TIAM1: variants seen among roughly 807,000 people sequenced by gnomAD.
The protein encoded by TIAM1 is rho guanine nucleotide exchange factor TIAM1.
In TIAM1, 65 loss-of-function variants were observed where a neutral mutation model predicts 163.5. The ratio of observed to expected loss-of-function variants is 0.40; its 90% confidence interval spans 0.33 to 0.49. The LOEUF (loss-of-function observed/expected upper bound fraction) is 0.49. Among genes scored for constraint, TIAM1 ranks in the 20% least tolerant of loss-of-function variants. TIAM1 has a pLI of 0.77. For synonymous variants in TIAM1, 833 were observed against 810.1 expected (o/e 1.03, Z -0.48); for missense variants, 1,789 against 2,044.7 (o/e 0.87, Z 2.41).
At chr21:31,345,169 T>C (rs928121506), upstream of TIAM1, among the ~76,000 whole-genome samples, 2 of 152,162 alleles carry the variant, frequency 1.3e-5, no homozygotes, top group Non-Finnish European at 2.9e-5. Context: ...AGAGGCTATA[T>C]CTGAAAGGGT....
At chr21:31,228,220 TAAAAAAAAAAAAAAAAAAAAAAAAAAA>T (rs71191197) in intron 6 of TIAM1, among the ~76,000 whole-genome samples, 8 of 16,264 alleles carry the variant, frequency 4.9e-4, no homozygotes, top group Admixed American at 1.2e-3. Context: ...CTCCTTTTTT[TAAAAAAAAAAAAAAAAAAAAAAAAAAA>T]AAAAAAAAAA....
At chr21:31,249,648 G>A (rs2071688857) in intron 5 of TIAM1, among the ~76,000 whole-genome samples, 1 of 152,138 alleles carries the variant, frequency 6.6e-6, no homozygotes, top group Non-Finnish European at 1.5e-5. Context: ...GCGGGAAGTG[G>A]AAGAGGAAGA....
At chr21:31,248,298 T>C (rs1245308023) in intron 5 of TIAM1, among the ~76,000 whole-genome samples, 1 of 152,248 alleles carries the variant, frequency 6.6e-6, no homozygotes, top group Non-Finnish European at 1.5e-5. Flanking sequence ...GAATGTTGTA[T>C]GGTCCCATCA....
At chr21:31,558,673 TCCCTCCTTCGC>T (rs935021890) in intron 1 of TIAM1, among the ~76,000 whole-genome samples, 3 of 152,052 alleles carry the variant, frequency 2.0e-5, no homozygotes, top group African/African-American at 7.2e-5. Flanking sequence ...CGGTCTCGTC[TCCCTCCTTCGC>T]GCGAGGGATG....
intron 23 of TIAM1, among the ~76,000 whole-genome samples, chr21:31,134,856 C>T (rs965225133): frequency 3.9e-5 from 6 of 152,010 alleles, no homozygotes; most frequent in African/African-American, 1.5e-4. Flanking sequence ...TACAGGGGCT[C>T]TTTGGAAATT....
intron 2 of TIAM1, among the ~76,000 whole-genome samples, chr21:31,394,724 T>TCA (rs1275006631): frequency 3.9e-5 from 5 of 128,796 alleles, no homozygotes; most frequent in South Asian, 3.0e-4. Context: ...TCTCTCTCTC[T>TCA]CTCTCACACA....
At chr21:31,414,699 G>A (rs894241590) in intron 2 of TIAM1, among the ~76,000 whole-genome samples, 6 of 152,172 alleles carry the variant, frequency 3.9e-5, no homozygotes, top group East Asian at 3.9e-4. Context: ...AGTTGGACCC[G>A]AACCATAGAA....
chr21:31,422,775 T>C (rs1348608654), intron 2 of TIAM1, among the ~76,000 whole-genome samples: 1 of 152,104 alleles, frequency 6.6e-6, no homozygotes, highest in African/African-American at 2.4e-5. Flanking sequence ...TACTCAGGGG[T>C]TCCTCTCCCT....
At chr21:31,513,994 C>T (rs1021040924) in intron 1 of TIAM1, among the ~76,000 whole-genome samples, 5 of 151,968 alleles carry the variant, frequency 3.3e-5, no homozygotes, top group African/African-American at 1.2e-4. Context: ...GCAACAAGAG[C>T]GAAACTCCAT....
chr21:31,536,634 G>A (rs777215813), intron 1 of TIAM1, among the ~76,000 whole-genome samples: 32 of 152,340 alleles, frequency 2.1e-4, no homozygotes, highest in Non-Finnish European at 3.7e-4. Flanking sequence ...ATCTGCTGAC[G>A]TGTGTCCCCC....
chr21:31,373,064 A>AAAAAAG (rs1555959452), intron 2 of TIAM1, among the ~76,000 whole-genome samples: 10 of 145,310 alleles, frequency 6.9e-5, no homozygotes, highest in African/African-American at 2.6e-4. Flanking sequence ...TCAAAAAAAA[A>AAAAAAG]AAAAGAAAAG....
rs530674068 is a variant in TIAM1 at position 31,427,704 on chromosome 21, T to C, written c.-369+36279A>G. On this transcript the variant is annotated intron_variant, in intron 2 of 28. Transcript: ENST00000286827. ...TTAAAAATAGCTAGGTGTGGTGGTG[T>C]GCACCTATAGTCCCAGCTACTCAGG... Among the ~76,000 whole-genome samples the C allele has an allele frequency of 5.2e-4, 78 of 150,504 alleles. 1 individual carries two copies. The highest frequency in any genetic ancestry group is 1.8e-3 in the African/African-American group (74 of 40,908).
chr21:31,472,728 C>G (rs2833417), intron 1 of TIAM1, among the ~76,000 whole-genome samples: 104,149 of 152,098 alleles, frequency 0.68, 36,217 homozygotes, highest in African/African-American at 0.73. Context: ...TTTAATGTTC[C>G]TAAACTTACA....
At position 31,305,806 on chromosome 21, in the gene TIAM1, G is replaced by GA. The variant is rs562175772; in HGVS notation, c.-188-28899dup. Among the ~76,000 whole-genome samples, 19 of 150,542 alleles carry GA rather than the reference G, an allele frequency of 1.3e-4. No homozygotes were observed. In the East Asian group the frequency reaches 1.9e-3, roughly 15 times the overall value. ...AAACAATTCTCCCTAAAACCTCCAGGAAAAAAAAATGTCTATGGCTTATTT... is the reference window on the plus strand; with the variant it reads ...AAACAATTCTCCCTAAAACCTCCAGGAAAAAAAAAATGTCTATGGCTTATTT... On this transcript the variant is annotated intron_variant, in intron 2 of 27. Transcript: ENST00000541036.
intron 1 of TIAM1, among the ~76,000 whole-genome samples, chr21:31,498,665 GC>G (rs1434165698): frequency 2.4e-4 from 37 of 152,338 alleles, no homozygotes; most frequent in African/African-American, 8.7e-4. Context: ...CAGGGTCCTG[GC>G]CAGACACGGT....
chr21:31,122,994 T>G (rs2082057681), intron 27 of TIAM1, among the ~76,000 whole-genome samples: 1 of 152,224 alleles, frequency 6.6e-6, no homozygotes, highest in African/African-American at 2.4e-5. Context: ...TGATACAGAC[T>G]TTCTTCAGCC....
At chr21:31,328,043 A>AGCCCTCT (rs1201327777) in intron 2 of TIAM1, among the ~76,000 whole-genome samples, 3 of 152,044 alleles carry the variant, frequency 2.0e-5, no homozygotes, top group Non-Finnish European at 4.4e-5. Context: ...TGCCCAGCCC[A>AGCCCTCT]GCCCTCTGCC....
At chr21:31,339,902 T>C (rs554266249) in intron 1 of TIAM1, among the ~76,000 whole-genome samples, 19 of 152,236 alleles carry the variant, frequency 1.2e-4, no homozygotes, top group African/African-American at 3.6e-4. Context: ...TGTTGCAAAA[T>C]ACTCATGAAA....
intron 2 of TIAM1, among the ~76,000 whole-genome samples, chr21:31,330,907 G>C (rs1467676753): frequency 6.8e-6 from 1 of 147,492 alleles, no homozygotes; most frequent in East Asian, 1.9e-4. Flanking sequence ...CTAATACTAT[G>C]ATTTTTTTTC....
Sources: allele counts gnomAD v4.1 joint callset (sites outside exome capture counted in the v4.1 genomes callset), GRCh38; gene constraint gnomAD v4.1.1; transcripts MANE v1.5; gene names NCBI Gene and HGNC (gene_info 2026-07-23, HGNC 2026-07-21).